Variants in PAN3 observed in about 807,000 individuals in gnomAD.
The protein encoded by PAN3 is poly(A) specific ribonuclease subunit PAN3, also known as PAN2-PAN3 deadenylation complex subunit PAN3.
In PAN3, 19 loss-of-function variants were observed where a neutral mutation model predicts 96.2. The ratio of observed to expected loss-of-function variants is 0.20; its 90% confidence interval spans 0.14 to 0.29. The LOEUF is 0.29. Ranked by LOEUF, PAN3 falls within the 10% of genes least tolerant of loss-of-function variation. PAN3 has a pLI of 1.00. For missense variants in PAN3, 882 were observed against 1,108.1 expected, an observed-to-expected ratio of 0.80 and a Z score of 2.90; for synonymous variants, 433 against 406.6, an observed-to-expected ratio of 1.06 and a Z score of -0.78.
At chr13:28,145,347 CAG>C (rs1474924902) in intron 1 of PAN3, among the ~76,000 whole-genome samples, 10 of 152,102 alleles carry the variant, frequency 6.6e-5, no homozygotes, top group South Asian at 4.1e-4. Context: ...TTTTTTGAGA[CAG>C]AGTCTCACTC....
chr13:28,147,838 T>G (rs2137948857), intron 1 of PAN3, among the ~76,000 whole-genome samples: 1 of 152,310 alleles, frequency 6.6e-6, no homozygotes, highest in African/African-American at 2.4e-5. Context: ...ATGTAGGTAA[T>G]AGCCCTCTTC....
intron 5 of PAN3, among the ~76,000 whole-genome samples, chr13:28,201,969 C>T (rs1305450862): frequency 6.6e-6 from 1 of 152,154 alleles, no homozygotes; most frequent in Non-Finnish European, 1.5e-5. Context: ...TTCTCCTATA[C>T]TCCTTCTTCA....
chr13:28,284,853 GCTT>G (rs1205918182), intron 17 of PAN3, among the ~76,000 whole-genome samples: 2 of 151,910 alleles, frequency 1.3e-5, no homozygotes, highest in South Asian at 4.2e-4. Context: ...TCTAGAATCA[GCTT>G]CTTTAGTTAA....
chr13:28,168,136 T>C, intron 1 of PAN3, among the ~76,000 whole-genome samples: 1 of 152,192 alleles, frequency 6.6e-6, no homozygotes, highest in East Asian at 1.9e-4. Context: ...ATTGAGACCA[T>C]AGCACACAGA....
At chr13:28,225,032 A>G (rs967899578) in intron 6 of PAN3, among the ~76,000 whole-genome samples, 3 of 152,194 alleles carry the variant, frequency 2.0e-5, no homozygotes, top group African/African-American at 7.2e-5. Context: ...TACCAAGTTT[A>G]TTTATTGTAG....
intron 1 of PAN3, among the ~76,000 whole-genome samples, chr13:28,151,469 T>C (rs369842494): frequency 9.2e-5 from 14 of 151,768 alleles, no homozygotes; most frequent in Non-Finnish European, 1.9e-4. Flanking sequence ...GAGCCAGGAT[T>C]GTGCCACTGC....
chr13:28,161,670 C>T (rs933183891), intron 1 of PAN3, among the ~76,000 whole-genome samples: 1 of 152,130 alleles, frequency 6.6e-6, no homozygotes, highest in Non-Finnish European at 1.5e-5. Flanking sequence ...TATGGAGCTT[C>T]GGAGTTAGGT....
At chr13:28,217,293 G>A (rs1209873485) in intron 5 of PAN3, among the ~76,000 whole-genome samples, 1 of 150,452 alleles carries the variant, frequency 6.6e-6, no homozygotes, top group African/African-American at 2.4e-5. Context: ...ATGAAAATTG[G>A]GGGGCAGGCT....
At chr13:28,259,786 G>A (rs1280521438) in intron 7 of PAN3, among the ~76,000 whole-genome samples, 1 of 151,776 alleles carries the variant, frequency 6.6e-6, no homozygotes, top group Non-Finnish European at 1.5e-5. Flanking sequence ...TTACAGGCTT[G>A]CGCCACCATG....
At chr13:28,209,220 A>G (rs1879744418) in intron 5 of PAN3, among the ~76,000 whole-genome samples, 1 of 152,184 alleles carries the variant, frequency 6.6e-6, no homozygotes, top group Non-Finnish European at 1.5e-5. Flanking sequence ...TGCTGACTGT[A>G]TATACTATTG....
chr13:28,255,132 G>A (rs148410615), intron 6 of PAN3, among the ~76,000 whole-genome samples: 122 of 152,206 alleles, frequency 8.0e-4, no homozygotes, highest in African/African-American at 2.7e-3. Flanking sequence ...TGTGACTAGG[G>A]CATTTTTGGT....
intron 1 of PAN3, among the ~76,000 whole-genome samples, chr13:28,141,462 C>CTTTTTTTTTTTTTTTTTTTT (rs759736683): frequency 2.2e-5 from 2 of 90,350 alleles, no homozygotes; most frequent in Non-Finnish European, 4.3e-5. Flanking sequence ...TTCTTTTTTT[C>CTTTTTTTTTTTTTTTTTTTT]TTTTTTTTTT....
intron 5 of PAN3, chr13:28,214,732 T>G: frequency 1.9e-6 from 1 of 518,566 alleles, no homozygotes; most frequent in Non-Finnish European, 3.6e-6. Context: ...GTCTCACTAT[T>G]GATATCTCCC....
At chr13:28,215,963 A>T (rs1476020966) in intron 5 of PAN3, 43 of 898,486 alleles carry the variant, frequency 4.8e-5, no homozygotes, top group Non-Finnish European at 7.7e-5. Context: ...CAGGACTGTT[A>T]GTTTCAGTTG....
chr13:28,254,705 A>ATT (rs138362809), intron 6 of PAN3, among the ~76,000 whole-genome samples: 4 of 151,778 alleles, frequency 2.6e-5, no homozygotes, highest in East Asian at 1.9e-4. Context: ...TTGGCTTCAT[A>ATT]TTTTTTTTAA....
At chr13:28,277,514 C>T (rs1264788154) in intron 15 of PAN3, 138 bp downstream of exon 15, 1 of 830,018 alleles carries the variant, frequency 1.2e-6, no homozygotes, top group Non-Finnish European at 1.8e-6. Context: ...ATTTTTATTG[C>T]AAAGTAAATA....
intron 4 of PAN3, among the ~76,000 whole-genome samples, chr13:28,179,505 A>G (rs918439683): frequency 6.6e-6 from 1 of 152,224 alleles, no homozygotes; most frequent in Non-Finnish European, 1.5e-5. Context: ...GCATGAGCCC[A>G]GGAGTTTGAG....
intron 4 of PAN3, among the ~76,000 whole-genome samples, chr13:28,189,293 G>C (rs1264965957): frequency 6.6e-6 from 1 of 152,140 alleles, no homozygotes; most frequent in Admixed American, 6.5e-5. Context: ...CACGCCGGGT[G>C]GATCATGAAG....
chr13:28,141,709 C>T (rs758500446), intron 1 of PAN3, among the ~76,000 whole-genome samples: 116 of 152,026 alleles, frequency 7.6e-4, no homozygotes, highest in Non-Finnish European at 1.4e-3. Flanking sequence ...TCAGGTGATC[C>T]GCCTGCCTCG....
Sources: allele counts gnomAD v4.1 joint callset (sites outside exome capture counted in the v4.1 genomes callset), GRCh38; gene constraint gnomAD v4.1.1; transcripts MANE v1.5; gene names NCBI Gene and HGNC (gene_info 2026-07-23, HGNC 2026-07-21).